Variants in NTM observed in about 807,000 individuals in gnomAD.
NTM encodes neurotrimin.
Under a neutral mutation model 42.1 loss-of-function variants are expected in NTM, and 13 were observed. The observed-to-expected ratio is 0.31, with a 90% CI of 0.20 to 0.49. The LOEUF is 0.49. NTM is among the 20% of genes least tolerant of loss of function. The pLI is 0.99. For synonymous variants in NTM, 187 were observed against 179.2 expected (o/e 1.04, Z -0.35); for missense variants, 373 against 452.8 (o/e 0.82, Z 1.60).
intron 1 of NTM, among the ~76,000 whole-genome samples, chr11:131,854,362 T>G (rs2045899545): frequency 6.6e-6 from 1 of 152,248 alleles, no homozygotes; most frequent in African/African-American, 2.4e-5. Flanking sequence ...GAAAACTTCT[T>G]TTGCTCACAA....
chr11:131,703,981 C>T (rs1168960341), intron 1 of NTM, among the ~76,000 whole-genome samples: 2 of 152,140 alleles, frequency 1.3e-5, no homozygotes, highest in Non-Finnish European at 2.9e-5. Context: ...CAGAACCAGG[C>T]TTTAGACCCA....
chr11:131,649,592 T>A (rs558591691), intron 1 of NTM, among the ~76,000 whole-genome samples: 1 of 152,284 alleles, frequency 6.6e-6, no homozygotes, highest in Non-Finnish European at 1.5e-5. Flanking sequence ...ACACTAGAGT[T>A]CCATAAGGTC....
At chr11:132,035,959 G>A (rs1435327429) in intron 2 of NTM, among the ~76,000 whole-genome samples, 1 of 152,170 alleles carries the variant, frequency 6.6e-6, no homozygotes, top group Non-Finnish European at 1.5e-5. Flanking sequence ...GCTCTCTGTA[G>A]ATGGGAGATA....
intron 1 of NTM, among the ~76,000 whole-genome samples, chr11:131,438,202 C>T (rs927277172): frequency 1.3e-5 from 2 of 152,164 alleles, no homozygotes; most frequent in African/African-American, 2.4e-5. Context: ...TTCTCTCTGG[C>T]TGCCCTTAAA....
intron 1 of NTM, among the ~76,000 whole-genome samples, chr11:131,822,521 G>C (rs560602829): frequency 6.6e-6 from 1 of 152,152 alleles, no homozygotes; most frequent in Non-Finnish European, 1.5e-5. Context: ...ATAAGAACGC[G>C]TGTACAGAGG....
At chr11:131,581,265 C>T (rs899395746) in intron 1 of NTM, among the ~76,000 whole-genome samples, 8 of 152,182 alleles carry the variant, frequency 5.3e-5, no homozygotes, top group Non-Finnish European at 1.2e-4. Flanking sequence ...TTTCCTCTTG[C>T]TCTCCAAATG....
chr11:131,415,129 G>A (rs1214617549), intron 1 of NTM, among the ~76,000 whole-genome samples: 2 of 152,196 alleles, frequency 1.3e-5, no homozygotes, highest in Non-Finnish European at 2.9e-5. Context: ...GAATTGGAAT[G>A]GGGTTGAGCT....
chr11:131,783,543 AG>A (rs1369862234), intron 1 of NTM, among the ~76,000 whole-genome samples: 1 of 152,142 alleles, frequency 6.6e-6, no homozygotes, highest in African/African-American at 2.4e-5. Context: ...GTGGGGAAAA[AG>A]ATTCTCTTTT....
intron 1 of NTM, chr11:131,773,857 A>T (rs948640569): frequency 8.3e-6 from 2 of 241,326 alleles, no homozygotes; most frequent in Non-Finnish European, 1.3e-5. Flanking sequence ...GCAGCGCATG[A>T]TCTTCCATCG....
chr11:131,762,897 T>C (rs1591667877), intron 1 of NTM, among the ~76,000 whole-genome samples: 1 of 152,198 alleles, frequency 6.6e-6, no homozygotes, highest in South Asian at 2.1e-4. Context: ...TGCCTCCCCA[T>C]TGTCACCGCT....
chr11:131,863,789 CA>C (rs1166591189), intron 1 of NTM, among the ~76,000 whole-genome samples: 1 of 152,220 alleles, frequency 6.6e-6, no homozygotes, highest in Non-Finnish European at 1.5e-5. Context: ...TGCTGCCAAT[CA>C]AACATGAGCT....
chr11:131,503,527 A>AT lies in NTM; in HGVS notation c.82+132652dup, dbSNP rs34452341. Reference sequence around the variant, plus strand: ...AGTCCACTTCATATTTGAGGTTACAATTTTTTTTTTTTTGAGACAAGGTCT... The same window carrying AT: ...AGTCCACTTCATATTTGAGGTTACAATTTTTTTTTTTTTTGAGACAAGGTCT... On this transcript the variant is annotated intron_variant, in intron 1 of 8. Coordinates refer to ENST00000683400, the MANE Select transcript of NTM (RefSeq NM_001352005.2). Among the ~76,000 whole-genome samples, 745 of 146,052 alleles carry AT rather than the reference A, an allele frequency of 5.1e-3. 3 individuals are homozygous for AT. The highest frequency in any genetic ancestry group is 0.014 in the African/African-American group (553 of 39,532).
rs534683688 is a variant in NTM at position 132,210,809 on chromosome 11, C to T, written c.401-1213C>T. Among the ~76,000 whole-genome samples, 54 of 152,284 alleles carry T rather than the reference C, an allele frequency of 3.5e-4. No homozygotes were observed. The East Asian group carries it at 7.9e-3, about 22-fold the overall frequency. On this transcript the variant is annotated intron_variant, in intron 3 of 8. Transcript: ENST00000683400. Reference sequence around the variant, plus strand: ...TGTGGGTGCTGCTTCTGAAAATAAGCACATGGAGGAGCACAACATAATATA... The same window carrying T: ...TGTGGGTGCTGCTTCTGAAAATAAGTACATGGAGGAGCACAACATAATATA...
intron 1 of NTM, among the ~76,000 whole-genome samples, chr11:131,479,329 A>C (rs768933889): frequency 6.6e-6 from 1 of 152,220 alleles, no homozygotes; most frequent in Non-Finnish European, 1.5e-5. Context: ...TATTCCAGAC[A>C]GACAGAACCA....
Position 132,003,993 on chromosome 11 carries a change from C to T in NTM, c.167+92345C>T, listed in dbSNP as rs2070097823. On this transcript the variant is annotated intron_variant, in intron 2 of 8. Transcript: ENST00000683400. The surrounding 1 kb of genome is among the most constrained non-coding windows in gnomAD (Gnocchi z 6.0). ...ATCAACCATTAGCATAATGTATTAG[C>T]ATATCTATAGCACAATTATATTTTG... is the stretch of plus-strand genomic sequence containing the variant. Among the ~76,000 whole-genome samples the T allele has an allele frequency of 6.6e-6, 1 of 152,168 alleles. No individual in the cohort carries two copies. The highest frequency in any genetic ancestry group is 1.5e-5 in the Non-Finnish European group (1 of 68,040).
intron 1 of NTM, chr11:131,536,445 A>G (rs1413506915): frequency 6.6e-6 from 1 of 152,222 alleles, no homozygotes; most frequent in African/African-American, 2.4e-5. Context: ...GTGCTTTATT[A>G]GAGTTTGTTA....
chr11:132,272,251 T>C (rs1469038242), intron 4 of NTM, among the ~76,000 whole-genome samples: 4 of 152,166 alleles, frequency 2.6e-5, no homozygotes, highest in South Asian at 2.1e-4. Flanking sequence ...TTTCTCCTTA[T>C]GCCAGTATCA....
chr11:131,793,249 G>A (rs911835501), intron 1 of NTM, among the ~76,000 whole-genome samples: 5 of 152,256 alleles, frequency 3.3e-5, no homozygotes, highest in East Asian at 1.9e-4. Flanking sequence ...GGTTGCTATC[G>A]TTTTTTTCAT....
At chr11:131,635,549 A>G (rs1397381679) in intron 1 of NTM, among the ~76,000 whole-genome samples, 1 of 152,208 alleles carries the variant, frequency 6.6e-6, no homozygotes, top group Admixed American at 6.5e-5. Context: ...ATATTACTAT[A>G]AAAGAGTTTA....
Sources: gnomAD v4.1 joint callset for allele counts (sites outside exome capture counted in the v4.1 genomes callset) on GRCh38, gnomAD v4.1.1 for gene constraint, Gnocchi (gnomAD v3.1) non-coding constraint, MANE v1.5 for transcripts, NCBI Gene and HGNC (gene_info 2026-07-23, HGNC 2026-07-21) for gene names.